LIPN: variants seen among roughly 807,000 people sequenced by gnomAD.
LIPN encodes the protein lipase family member N.
LIPN carries 32 observed loss-of-function variants against 43.7 expected under a neutral mutation model. That is an observed-to-expected ratio of 0.73 (90% CI 0.55 to 0.98). LIPN has a LOEUF of 0.98. Among genes scored for constraint, LIPN ranks in the 50% least tolerant of loss-of-function variants. The pLI is 0.00. For missense variants in LIPN, 505 were observed against 483.8 expected (o/e 1.04, Z -0.41); for synonymous variants, 156 against 157.6 (o/e 0.99, Z 0.08).
At position 88,779,139 on chromosome 10, in the gene LIPN, A is replaced by G. The variant is rs907956748; in HGVS notation, c.*897A>G. Among the ~76,000 whole-genome samples the G allele has an allele frequency of 1.3e-5, 2 of 152,208 alleles. No homozygotes were observed. The highest frequency in any genetic ancestry group is 4.8e-5 in the African/African-American group (2 of 41,454). On this transcript the variant is annotated 3_prime_UTR_variant, in exon 10 of 10. Transcript: ENST00000404459. ...GCCACCAAAATATTTTACCTAATGG[A>G]AACCTGATTGCCGCATTTTTGTAAC... is the stretch of plus-strand genomic sequence containing the variant.
intron 7 of LIPN, 21 bp from the exon 8 acceptor site, chr10:88,774,450 AAT>A (rs781181392): frequency 1.3e-6 from 2 of 1,573,126 alleles, no homozygotes; most frequent in Non-Finnish European, 1.7e-6. Flanking sequence ...CAATTGCTGT[AAT>A]ATGAGTTTTA....
chr10:88,769,000 A>G (rs1294029081), intron 6 of LIPN, 72 bp downstream of exon 6: 1 of 1,421,304 alleles, frequency 7.0e-7, no homozygotes, highest in East Asian at 2.3e-5. Context: ...TTTCAAATCT[A>G]CTGTAAAGTA....
rs1453371256 is a variant in LIPN, at chr10:88,770,281, C to T, written c.673-564C>T. On this transcript the variant is annotated intron_variant, in intron 6 of 9. Transcript: ENST00000404459. ...TTGCTTCTCTTTGGCTCACTGTTCT[C>T]TACTTTTCAGCCTGAGAGCTGGCTA... 2.0e-5 allele frequency among the ~76,000 whole-genome samples: 3 copies of T among 151,852 alleles called. No homozygotes were observed. In the East Asian group the frequency reaches 5.8e-4, roughly 29 times the overall value.
At chr10:88,775,346 A>G (rs1358344733) in intron 9 of LIPN, among the ~76,000 whole-genome samples, 183 bp downstream of exon 9, 6 of 151,896 alleles carry the variant, frequency 4.0e-5, no homozygotes, top group Non-Finnish European at 8.8e-5. Flanking sequence ...AGAAGCATAT[A>G]CAAAGAAACT....
In LIPN at chr10:88,777,926, TTG is replaced by T. The variant is rs745592168; in HGVS notation, c.964-81_964-80del. The T allele has an allele frequency of 5.0e-4, 381 of 766,854 alleles. 1 individual carries two copies. Among genetic ancestry groups the T allele is most frequent in the Non-Finnish European group, 6.7e-4 (304 of 455,454 alleles). 47.5% of individuals were successfully genotyped at this position (766,854 alleles called of 1,614,324 possible). The stretch of plus-strand genomic sequence containing the variant: ...CTGGTGCCTAACAGAACTATGGCCA[TTG>T]TCCACATTCATTTAGCAGCCTTTGT... On this transcript the variant is annotated intron_variant, in intron 9 of 9. Coordinates refer to ENST00000404459, the MANE Select transcript of LIPN (RefSeq NM_001102469.2).
chr10:88,759,587 A>G (rs867418909), upstream of LIPN, among the ~76,000 whole-genome samples: 4 of 152,218 alleles, frequency 2.6e-5, 1 homozygote, highest in Middle Eastern at 0.014. Flanking sequence ...TTTAGGAGTC[A>G]GGGTTGCCTC....
chr10:88,774,593 T>C, intron 8 of LIPN, 49 bp downstream of exon 8: 2 of 1,479,702 alleles, frequency 1.4e-6, no homozygotes, highest in Non-Finnish European at 1.9e-6. Context: ...TTTCAATATA[T>C]TTAAAAAGAC....
chr10:88,758,652 T>C (rs1424913806), upstream of LIPN, among the ~76,000 whole-genome samples: 1 of 151,300 alleles, frequency 6.6e-6, no homozygotes, highest in Non-Finnish European at 1.5e-5. Context: ...AGCAAGCTTA[T>C]ATAGGAAGAG....
chr10:88,774,257 G>T (rs968851338), intron 7 of LIPN, among the ~76,000 whole-genome samples: 2 of 151,996 alleles, frequency 1.3e-5, no homozygotes, highest in South Asian at 4.1e-4. Flanking sequence ...TTCAGAGCTG[G>T]TACAGGTGTG....
Position 88,778,290 on chromosome 10 carries a change from G to A in LIPN, c.*48G>A. ...TTAAAAGTTGCTTCCAAGCCCATAA[G>A]GGACTTTAGAAAAAATAGTAACCAA... On this transcript the variant is annotated 3_prime_UTR_variant, in exon 10 of 10. Coordinates refer to ENST00000404459, the MANE Select transcript of LIPN (RefSeq NM_001102469.2). 2 of 1,417,414 alleles carry A rather than the reference G, an allele frequency of 1.4e-6. No individual in the cohort carries two copies. The highest frequency in any genetic ancestry group is 1.9e-6 in the Non-Finnish European group (2 of 1,029,946). The allele number at this position is 1,417,414 out of a possible 1,614,324, so 87.8% of individuals were successfully genotyped here.
intron 6 of LIPN, chr10:88,769,621 TA>T: frequency 2.0e-6 from 2 of 980,230 alleles, no homozygotes; most frequent in Non-Finnish European, 2.4e-6. Flanking sequence ...GGATGATGGA[TA>T]AAATGGATTT....
intron 9 of LIPN, among the ~76,000 whole-genome samples, chr10:88,775,853 T>C (rs546938173): frequency 5.4e-4 from 82 of 152,170 alleles, no homozygotes; most frequent in African/African-American, 2.0e-3. Context: ...TTTTAAGCTA[T>C]TTACTGGTGC....
intron 2 of LIPN, 134 bp downstream of exon 2, chr10:88,761,647 A>T: frequency 1.6e-6 from 1 of 616,770 alleles, no homozygotes; most frequent in East Asian, 2.7e-5. Flanking sequence ...CCTCTGCAAG[A>T]GTCAAGCTAG....
chr10:88,758,771 T>C (rs1590169943), upstream of LIPN, among the ~76,000 whole-genome samples: 1 of 151,838 alleles, frequency 6.6e-6, no homozygotes, highest in East Asian at 1.9e-4. Flanking sequence ...TAACTCGAAG[T>C]TGAGGAGGGA....
chr10:88,770,889 G>A lies in LIPN; in HGVS notation c.717G>A (p.Thr239=), dbSNP rs374449465. 36 of 1,541,086 alleles carry A rather than the reference G, an allele frequency of 2.3e-5. No homozygotes were observed. The highest frequency in any genetic ancestry group is 4.1e-5 in the African/African-American group (3 of 72,626). ...TKGFFLEDKK[T]KIASTKICNN... ...GTTTCTTTTTAGAAGATAAGAAAAC[G>A]AAGATAGCTTCTACCAAAATCTGCA... is the stretch of plus-strand genomic sequence containing the variant. Residue 239 remains threonine (T), a synonymous_variant, in exon 7 of 10, where the codon ACG becomes ACA. Transcript: ENST00000404459.
At chr10:88,773,431 G>A (rs75026091) in intron 7 of LIPN, among the ~76,000 whole-genome samples, 15 of 151,968 alleles carry the variant, frequency 9.9e-5, no homozygotes, top group Non-Finnish European at 1.5e-4. Context: ...ATAAACCTGC[G>A]TCTTATTTCA....
chr10:88,766,473 G>T, intron 5 of LIPN, 95 bp downstream of exon 5: 1 of 777,122 alleles, frequency 1.3e-6, no homozygotes, highest in Non-Finnish European at 2.3e-6. Flanking sequence ...TAAAACAACT[G>T]TTACTTATAG....
In LIPN at chr10:88,770,898, T is replaced by C. The variant is rs768393863; in HGVS notation, c.726T>C (p.Ala242=). The C allele has an allele frequency of 1.9e-6, 3 of 1,545,678 alleles. No individual in the cohort carries two copies. Among genetic ancestry groups the C allele is most frequent in the Non-Finnish European group, 1.8e-6 (2 of 1,141,904 alleles). ...TAGAAGATAAGAAAACGAAGATAGCTTCTACCAAAATCTGCAACAATAAGA... is the reference window on the plus strand; with the variant it reads ...TAGAAGATAAGAAAACGAAGATAGCCTCTACCAAAATCTGCAACAATAAGA... ...FFLEDKKTKI[A]STKICNNKIL... is the part of the protein sequence containing the mutation. Residue 242 remains alanine (A), a synonymous_variant, in exon 7 of 10, where the codon GCT becomes GCC. Coordinates refer to ENST00000404459, the MANE Select transcript of LIPN (RefSeq NM_001102469.2).
rs1233104828 is a variant in LIPN at position 88,774,466 on chromosome 10, C to T, written c.820-7C>T. On this transcript the variant is annotated splice_polypyrimidine_tract_variant and splice_region_variant and intron_variant, in intron 7 of 9. Coordinates refer to ENST00000404459, the MANE Select transcript of LIPN (RefSeq NM_001102469.2). ...AATTGCTGTAATATGAGTTTTATCT[C>T]CTTTAGAGTCGAATGGATGTGTATA... is the stretch of plus-strand genomic sequence containing the variant. The T allele has an allele frequency of 6.2e-7, 1 of 1,605,044 alleles. No individual in the cohort carries two copies. The highest frequency in any genetic ancestry group is 8.5e-7 in the Non-Finnish European group (1 of 1,173,808).
Sources: allele counts gnomAD v4.1 joint callset (sites outside exome capture counted in the v4.1 genomes callset), GRCh38; gene constraint gnomAD v4.1.1; transcripts MANE v1.5; gene names NCBI Gene and HGNC (gene_info 2026-07-23, HGNC 2026-07-21).